Variants in CSMD1 observed in about 807,000 individuals in gnomAD.
CSMD1 encodes CUB and Sushi multiple domains 1.
CSMD1 carries 213 observed loss-of-function variants against 417.5 expected under a neutral mutation model. The observed-to-expected ratio is 0.51, with a 90% confidence interval of 0.46 to 0.57. The LOEUF (loss-of-function observed/expected upper bound fraction) is 0.57, where lower values mean the gene tolerates loss of function less well. Ranked by LOEUF, CSMD1 falls within the 20% of genes least tolerant of loss-of-function variation. CSMD1 has a pLI of 0.00. For synonymous variants in CSMD1, 2,862 were observed against 1,736.8 expected, an observed-to-expected ratio of 1.65 and a Z score of -16.11; for missense variants, 6,923 against 4,529.7, an observed-to-expected ratio of 1.53 and a Z score of -15.17.
chr8:4,983,132 G>A (rs185822554), intron 1 of CSMD1, among the ~76,000 whole-genome samples: 193 of 152,228 alleles, frequency 1.3e-3, no homozygotes, highest in African/African-American at 4.3e-3. Flanking sequence ...AAACACAATT[G>A]AATCAAATAA....
rs553440642 is a variant in CSMD1 at position 3,315,258 on chromosome 8, T to A, written c.3632-6755A>T. On this transcript the variant is annotated intron_variant, in intron 23 of 69. Transcript: ENST00000635120. ...TTTATTAACTCTATTTGGATTCATC[T>A]GAATAGGAAGGGAGTTTCAAAGGTA... 5.9e-5 allele frequency among the ~76,000 whole-genome samples: 9 copies of A among 152,322 alleles called. 1 individual carries two copies. The South Asian group carries it at 1.9e-3, about 32-fold the overall frequency.
At chr8:3,126,338 C>T (rs571504539) in intron 41 of CSMD1, among the ~76,000 whole-genome samples, 197 of 152,272 alleles carry the variant, frequency 1.3e-3, no homozygotes, top group African/African-American at 4.5e-3. Context: ...GCAAAGCCCT[C>T]GAGCAACTGC....
intron 3 of CSMD1, among the ~76,000 whole-genome samples, chr8:4,381,233 G>C (rs182863378): frequency 2.3e-4 from 35 of 152,276 alleles, no homozygotes; most frequent in Non-Finnish European, 4.6e-4. Flanking sequence ...GTCCCAGTGA[G>C]ATTAGGGGAG....
At chr8:3,921,410 T>G (rs1319406564) in intron 5 of CSMD1, among the ~76,000 whole-genome samples, 4 of 152,128 alleles carry the variant, frequency 2.6e-5, no homozygotes, top group African/African-American at 7.2e-5. Flanking sequence ...TTATCTAACT[T>G]GTATTATTTT....
chr8:3,363,699 G>C (rs977010920), intron 20 of CSMD1, among the ~76,000 whole-genome samples: 3 of 152,088 alleles, frequency 2.0e-5, no homozygotes, highest in East Asian at 1.9e-4. Flanking sequence ...TTTGAATGAA[G>C]AGAAAATCAC....
intron 10 of CSMD1, among the ~76,000 whole-genome samples, chr8:3,513,804 C>T (rs992125202): frequency 3.9e-5 from 6 of 152,214 alleles, no homozygotes; most frequent in South Asian, 2.1e-4. Flanking sequence ...ATTTTAATTA[C>T]GTAATAGAGT....
chr8:3,874,166 A>G (rs893948108), intron 5 of CSMD1, among the ~76,000 whole-genome samples: 5 of 152,162 alleles, frequency 3.3e-5, no homozygotes, highest in African/African-American at 9.7e-5. Context: ...TATGTGCTAT[A>G]AAGTGTAATT....
chr8:3,465,017 T>C lies in CSMD1; in HGVS notation c.1561+3695A>G, dbSNP rs537435472. On this transcript the variant is annotated intron_variant, in intron 12 of 69. Transcript: ENST00000635120. ...TAGCTATAGATAATACACATGCTCA[T>C]AAGTATGAACAGGCTTATATACTAG... 1.2e-4 allele frequency among the ~76,000 whole-genome samples: 19 copies of C among 152,294 alleles called. No homozygotes were observed. The South Asian group carries it at 3.9e-3, about 32-fold the overall frequency.
At chr8:4,287,278 G>C (rs902160835) in intron 3 of CSMD1, among the ~76,000 whole-genome samples, 3 of 152,080 alleles carry the variant, frequency 2.0e-5, no homozygotes, top group Non-Finnish European at 2.9e-5. Context: ...AATATAATTA[G>C]TATTTTTGTG....
At chr8:4,434,378 G>C (rs567655917) in intron 2 of CSMD1, among the ~76,000 whole-genome samples, 44 of 152,182 alleles carry the variant, frequency 2.9e-4, no homozygotes, top group Non-Finnish European at 5.7e-4. Flanking sequence ...TAACTAACTG[G>C]ATCTAAGAAC....
At chr8:4,522,687 G>C (rs1363484363) in intron 2 of CSMD1, among the ~76,000 whole-genome samples, 1 of 152,204 alleles carries the variant, frequency 6.6e-6, no homozygotes. Context: ...TGTGTGATCT[G>C]TTATCATCTC....
At chr8:4,653,974 C>T (rs1284100614) in intron 1 of CSMD1, among the ~76,000 whole-genome samples, 1 of 151,978 alleles carries the variant, frequency 6.6e-6, no homozygotes, top group Non-Finnish European at 1.5e-5. Flanking sequence ...GTTTCATTTA[C>T]TCATGATTAG....
At chr8:4,223,328 C>G (rs1051605819) in intron 3 of CSMD1, among the ~76,000 whole-genome samples, 1 of 152,248 alleles carries the variant, frequency 6.6e-6, no homozygotes, top group Non-Finnish European at 1.5e-5. Flanking sequence ...CTGAAGAACA[C>G]TGTTGTCTCA....
intron 7 of CSMD1, among the ~76,000 whole-genome samples, chr8:3,686,032 C>T (rs1799927919): frequency 6.6e-6 from 1 of 152,002 alleles, no homozygotes; most frequent in Admixed American, 6.6e-5. Context: ...TACCCATTAA[C>T]CAACCAATGC....
intron 3 of CSMD1, among the ~76,000 whole-genome samples, chr8:4,065,038 A>G (rs1401932547): frequency 6.6e-6 from 1 of 152,218 alleles, no homozygotes; most frequent in Non-Finnish European, 1.5e-5. Context: ...ATCTGAAATG[A>G]TTAAAATGTG....
At chr8:4,774,046 T>C (rs749072190) in intron 1 of CSMD1, among the ~76,000 whole-genome samples, 1 of 151,706 alleles carries the variant, frequency 6.6e-6, no homozygotes, top group Non-Finnish European at 1.5e-5. Flanking sequence ...AAATACAAAA[T>C]ATTAGCTGGG....
intron 1 of CSMD1, among the ~76,000 whole-genome samples, chr8:4,898,031 CAAGAAAATTA>C (rs1482325994): frequency 1.3e-5 from 2 of 151,922 alleles, no homozygotes; most frequent in Non-Finnish European, 2.9e-5. Context: ...GTTTATAAAA[CAAGAAAATTA>C]AAGAAAATTT....
rs938088904 is a variant in CSMD1, at chr8:3,288,190, C to T, written c.3951-3844G>A. 8.8e-5 allele frequency among the ~76,000 whole-genome samples: 13 copies of T among 147,290 alleles called. 2 individuals carry two copies. Among genetic ancestry groups the T allele is most frequent in the Admixed American group, 6.7e-4 (10 of 14,948 alleles). ...TGTGGATAAGCTTTTTGATGTATTG[C>T]TGGATTTGGTTTGCCAGTATTTTAT... On this transcript the variant is annotated intron_variant, in intron 25 of 69. Transcript: ENST00000635120.
chr8:3,340,082 G>A (rs1176138688), intron 23 of CSMD1, among the ~76,000 whole-genome samples: 6 of 152,162 alleles, frequency 3.9e-5, no homozygotes, highest in African/African-American at 7.2e-5. Context: ...TATCAATATC[G>A]GTCAATATAC....
Sources: allele counts gnomAD v4.1 joint callset (sites outside exome capture counted in the v4.1 genomes callset), GRCh38; gene constraint gnomAD v4.1.1; transcripts MANE v1.5; gene names NCBI Gene and HGNC (gene_info 2026-07-23, HGNC 2026-07-21).